CACNG5: variants seen among roughly 807,000 people sequenced by gnomAD.
The protein encoded by CACNG5 is calcium voltage-gated channel auxiliary subunit gamma 5.
CACNG5 carries 18 observed loss-of-function variants against 24.8 expected under a neutral mutation model. The ratio of observed to expected loss-of-function variants is 0.73; its 90% CI spans 0.50 to 1.08. The LOEUF is 1.08. Among genes scored for constraint, CACNG5 ranks in the 50% least tolerant of loss-of-function variants. The pLI, the probability that CACNG5 is intolerant of heterozygous loss-of-function variation, is 0.00. For missense variants in CACNG5, 349 were observed against 367.9 expected, an observed-to-expected ratio of 0.95 and a Z score of 0.42; for synonymous variants, 157 against 149.1, an observed-to-expected ratio of 1.05 and a Z score of -0.39.
intron 1 of CACNG5, among the ~76,000 whole-genome samples, chr17:66,841,826 G>A (rs543159819): frequency 1.3e-5 from 2 of 152,194 alleles, no homozygotes; most frequent in African/African-American, 2.4e-5. Context: ...CTGTGTCAAG[G>A]GTCAGGTGTG....
At position 66,892,596 on chromosome 17, in the gene CACNG5, C is replaced by T. The variant is rs1977360210; in HGVS notation, c.*7356C>T. On this transcript the variant is annotated 3_prime_UTR_variant, in exon 6 of 6. Transcript: ENST00000533854. ...TTCTGATTAGGCAATAAAGGAACCA[C>T]GTATCACAACGTTCCCAGCAGACTA... 6.6e-6 allele frequency among the ~76,000 whole-genome samples: 1 copy of T among 152,168 alleles called. No homozygotes were observed. Among genetic ancestry groups the T allele is most frequent in the Non-Finnish European group, 1.5e-5 (1 of 68,036 alleles).
At position 66,848,998 on chromosome 17, in the gene CACNG5, C is replaced by T. The variant is rs148607851; in HGVS notation, c.-104+13748C>T. On this transcript the variant is annotated intron_variant, in intron 1 of 5. Transcript: ENST00000533854. ...TGCAATCAGATGAATAGGCTGCCGC[C>T]GTGTGCATTGATTGAGTGCTTGTTG... Among the ~76,000 whole-genome samples the T allele has an allele frequency of 5.0e-3, 759 of 152,138 alleles. 8 individuals carry two copies. Among genetic ancestry groups the T allele is most frequent in the African/African-American group, 0.017 (722 of 41,504 alleles).
chr17:66,851,310 A>G (rs1976707721), intron 1 of CACNG5, among the ~76,000 whole-genome samples: 1 of 152,236 alleles, frequency 6.6e-6, no homozygotes, highest in Non-Finnish European at 1.5e-5. Flanking sequence ...ACCCAGCTGA[A>G]TCAAATCCAA....
Position 66,885,366 on chromosome 17 carries a change from T to G in CACNG5, c.*126T>G. ...GCCACCCATGCTTAGCTGTTGTCAC[T>G]TGACCCCAGTCCTCTCCCTGCTTCT... On this transcript the variant is annotated 3_prime_UTR_variant, in exon 6 of 6. Coordinates refer to ENST00000533854, the MANE Select transcript of CACNG5 (RefSeq NM_145811.3). 8.5e-7 allele frequency: 1 copy of G among 1,172,618 alleles called. No homozygotes were observed. Among genetic ancestry groups the G allele is most frequent in the East Asian group, 2.4e-5 (1 of 41,252 alleles). 72.6% of individuals were successfully genotyped at this position (1,172,618 alleles called of 1,614,324 possible). A position where few individuals can be genotyped will look rare whatever the true frequency, so the allele number is the denominator to read the frequency against.
chr17:66,884,743 A>T, intron 5 of CACNG5, 82 bp downstream of exon 5: 1 of 1,613,994 alleles, frequency 6.2e-7, no homozygotes, highest in Non-Finnish European at 8.5e-7. Flanking sequence ...ATGGGGGAGA[A>T]GGGACATTCC....
In CACNG5 at chr17:66,889,336, G is replaced by A. The variant is rs1356040388; in HGVS notation, c.*4096G>A. On this transcript the variant is annotated 3_prime_UTR_variant, in exon 6 of 6. Coordinates refer to ENST00000533854, the MANE Select transcript of CACNG5 (RefSeq NM_145811.3). ...CACCAGTGACCTTCAGAAGAATCCT[G>A]TGTTACCAGGGCTGCATGCAGAGCT... Among the ~76,000 whole-genome samples, 1 of 152,136 alleles carries A rather than the reference G, an allele frequency of 6.6e-6. No individual in the cohort carries two copies. Among genetic ancestry groups the A allele is most frequent in the Non-Finnish European group, 1.5e-5 (1 of 68,024 alleles).
chr17:66,874,813 G>A (rs1264881178), intron 1 of CACNG5, among the ~76,000 whole-genome samples: 3 of 152,096 alleles, frequency 2.0e-5, no homozygotes, highest in East Asian at 1.9e-4. Context: ...GGCTCTGTTC[G>A]CCTTTGGGAG....
rs1416061317 is a variant in CACNG5, at chr17:66,894,453, T to A, written c.*9213T>A. Among the ~76,000 whole-genome samples the A allele has an allele frequency of 2.0e-5, 3 of 152,172 alleles. No individual in the cohort carries two copies. The highest frequency in any genetic ancestry group is 4.4e-5 in the Non-Finnish European group (3 of 68,040). On this transcript the variant is annotated 3_prime_UTR_variant, in exon 6 of 6. Transcript: ENST00000533854. ...TACTGTTTCTTTAGCACCTACTATA[T>A]AACAGCTTCTGTCCTGGGCTGTTTC...
intron 1 of CACNG5, among the ~76,000 whole-genome samples, chr17:66,847,668 G>T (rs1440157210): frequency 6.6e-6 from 1 of 152,062 alleles, no homozygotes; most frequent in Non-Finnish European, 1.5e-5. Flanking sequence ...TCCCCCTAGG[G>T]TGATATATCC....
chr17:66,872,558 CTG>C (rs1977023783), intron 1 of CACNG5, among the ~76,000 whole-genome samples: 2 of 152,172 alleles, frequency 1.3e-5, no homozygotes, highest in Admixed American at 1.3e-4. Flanking sequence ...TTTTCATTTT[CTG>C]TGTTATATAA....
In CACNG5 at chr17:66,889,578, G is replaced by A. The variant is rs1977312104; in HGVS notation, c.*4338G>A. Among the ~76,000 whole-genome samples the A allele has an allele frequency of 6.6e-6, 1 of 152,224 alleles. No homozygotes were observed. Among genetic ancestry groups the A allele is most frequent in the Non-Finnish European group, 1.5e-5 (1 of 68,038 alleles). ...TTTTAAGGAATTAGCTCAAGAAGTT[G>A]TGGAGACTTGGTGAGTACAACCAAA... On this transcript the variant is annotated 3_prime_UTR_variant, in exon 6 of 6. Transcript: ENST00000533854.
rs147544906 is a variant in CACNG5 at position 66,893,237 on chromosome 17, T to C, written c.*7997T>C. On this transcript the variant is annotated 3_prime_UTR_variant, in exon 6 of 6. Transcript: ENST00000533854. ...AATGTTCTGCATGGTAAATGTACCC[T>C]CTTCTATAATCAGAGAAATAATCCA... is the stretch of plus-strand genomic sequence containing the variant. 9.9e-4 allele frequency among the ~76,000 whole-genome samples: 150 copies of C among 152,232 alleles called. No individual in the cohort carries two copies. The highest frequency in any genetic ancestry group is 3.4e-3 in the African/African-American group (140 of 41,532).
At chr17:66,879,461 T>C (rs1042738909) in intron 3 of CACNG5, among the ~76,000 whole-genome samples, 1 of 152,240 alleles carries the variant, frequency 6.6e-6, no homozygotes, top group African/African-American at 2.4e-5. Flanking sequence ...TTATTTCAGA[T>C]GCCAGCTGCA....
rs937956571 is a variant in CACNG5, at chr17:66,835,241, C to G, written c.-113C>G. 8 of 152,516 alleles carry G rather than the reference C, an allele frequency of 5.2e-5. No individual in the cohort carries two copies. The highest frequency in any genetic ancestry group is 1.0e-4 in the Non-Finnish European group (7 of 68,166). 9.4% of individuals were successfully genotyped at this position (152,516 alleles called of 1,614,324 possible). On this transcript the variant is annotated 5_prime_UTR_variant, in exon 1 of 6. Coordinates refer to ENST00000533854, the MANE Select transcript of CACNG5 (RefSeq NM_145811.3). Reference sequence around the variant, plus strand: ...GGACCAGGGTCGGGGGTCGCGGCCGCTCCAGCGAGGTAAGAGCCGGGAAGA... The same window carrying G: ...GGACCAGGGTCGGGGGTCGCGGCCGGTCCAGCGAGGTAAGAGCCGGGAAGA...
rs1977376599 is a variant in CACNG5, at chr17:66,893,873, A to T, written c.*8633A>T. Reference sequence around the variant, plus strand: ...CAAAGAAAAAAAAAGTGAAGTGAGAATAAATTTTACTTAGATGCAAGAAGT... The same window carrying T: ...CAAAGAAAAAAAAAGTGAAGTGAGATTAAATTTTACTTAGATGCAAGAAGT... On this transcript the variant is annotated 3_prime_UTR_variant, in exon 6 of 6. Coordinates refer to ENST00000533854, the MANE Select transcript of CACNG5 (RefSeq NM_145811.3). Among the ~76,000 whole-genome samples, 1 of 152,186 alleles carries T rather than the reference A, an allele frequency of 6.6e-6. No individual in the cohort carries two copies. The highest frequency in any genetic ancestry group is 1.5e-5 in the Non-Finnish European group (1 of 68,024).
Position 66,885,090 on chromosome 17 carries a change from T to C in CACNG5, c.678T>C (p.Asp226=), listed in dbSNP as rs1371258617. Residue 226 remains aspartate, a synonymous_variant, in exon 6 of 6, where the codon GAT becomes GAC. Coordinates refer to ENST00000533854, the MANE Select transcript of CACNG5 (RefSeq NM_145811.3). ...GCCCTCGGCTGAGCAACTGCTCCGA[T>C]TACTCAGGCCAGTTCCTACACCCAG... ...FYRPRLSNCS[D]YSGQFLHPDA... 1.9e-6 allele frequency: 3 copies of C among 1,614,040 alleles called. No individual in the cohort carries two copies. Among genetic ancestry groups the C allele is most frequent in the Non-Finnish European group, 2.5e-6 (3 of 1,180,030 alleles).
chr17:66,839,953 G>A (rs1275977418), intron 1 of CACNG5, among the ~76,000 whole-genome samples: 1 of 152,208 alleles, frequency 6.6e-6, no homozygotes, highest in African/African-American at 2.4e-5. Context: ...ATGAGTATGG[G>A]CAGCCCACTC....
chr17:66,868,531 A>G (rs1976960577), intron 1 of CACNG5, among the ~76,000 whole-genome samples: 1 of 152,142 alleles, frequency 6.6e-6, no homozygotes, highest in Non-Finnish European at 1.5e-5. Context: ...AGCAGGGAAA[A>G]CAGGCCACTC....
chr17:66,838,620 G>A (rs1223190833), intron 1 of CACNG5, among the ~76,000 whole-genome samples: 3 of 152,114 alleles, frequency 2.0e-5, no homozygotes, highest in African/African-American at 7.2e-5. Flanking sequence ...AAAGAAAGAT[G>A]TTTTAAGTCA....
Sources: allele counts gnomAD v4.1 joint callset (sites outside exome capture counted in the v4.1 genomes callset), GRCh38; gene constraint gnomAD v4.1.1; transcripts MANE v1.5; gene names NCBI Gene and HGNC (gene_info 2026-07-23, HGNC 2026-07-21).